R3HDM1: variants seen among roughly 807,000 people sequenced by gnomAD.
R3HDM1 encodes R3H domain containing 1, also known as R3H domain-containing protein 1.
Under a neutral mutation model 141.1 loss-of-function variants are expected in R3HDM1, and 46 were observed. That is an observed-to-expected ratio of 0.33 (90% CI 0.26 to 0.42). R3HDM1 has a LOEUF of 0.42. Among genes scored for constraint, R3HDM1 ranks in the 10% least tolerant of loss-of-function variants. The probability of loss-of-function intolerance (pLI) is 1.00; values close to 1 mark genes in which losing one functional copy is unlikely to be tolerated. For synonymous variants in R3HDM1, 435 were observed against 472.9 expected (o/e 0.92, Z 1.04); for missense variants, 1,184 against 1,368.3 (o/e 0.87, Z 2.12).
At chr2:135,715,042 A>C (rs1362790616) in intron 23 of R3HDM1, among the ~76,000 whole-genome samples, 1 of 152,228 alleles carries the variant, frequency 6.6e-6, no homozygotes, top group Non-Finnish European at 1.5e-5. Context: ...GGATGTATGA[A>C]TGCATGTGCA....
chr2:135,619,109 T>C (rs1282503476), intron 5 of R3HDM1, among the ~76,000 whole-genome samples: 1 of 152,190 alleles, frequency 6.6e-6, no homozygotes, highest in East Asian at 1.9e-4. Flanking sequence ...TGTAATGTTT[T>C]TGAAAATTCA....
At chr2:135,693,853 G>C (rs1000573156) in intron 21 of R3HDM1, among the ~76,000 whole-genome samples, 2 of 151,806 alleles carry the variant, frequency 1.3e-5, no homozygotes, top group Non-Finnish European at 2.9e-5. Flanking sequence ...TAAAAATACA[G>C]AATTAGCCGG....
At chr2:135,670,188 T>C (rs1257636821) in intron 19 of R3HDM1, 1 of 436,836 alleles carries the variant, frequency 2.3e-6, no homozygotes, top group Admixed American at 6.5e-5. Flanking sequence ...TGTGGTATCA[T>C]TGAAGCAAAG....
chr2:135,647,363 T>C (rs1188125097), intron 16 of R3HDM1, among the ~76,000 whole-genome samples: 1 of 152,244 alleles, frequency 6.6e-6, no homozygotes, highest in African/African-American at 2.4e-5. Context: ...AATTTTCATT[T>C]GGTTTCATTT....
chr2:135,620,695 A>G (rs1051526090), intron 5 of R3HDM1: 1 of 940,352 alleles, frequency 1.1e-6, no homozygotes, highest in Non-Finnish European at 1.3e-6. Context: ...TGTAGAATTT[A>G]TTATAGCTTT....
At chr2:135,531,872 C>G (rs980505676) in intron 1 of R3HDM1, 1 of 983,160 alleles carries the variant, frequency 1.0e-6, no homozygotes, top group African/African-American at 1.7e-5. Flanking sequence ...TCGCCTGGCC[C>G]GCGGCTGCGG....
Position 135,583,774 on chromosome 2 carries a change from T to A in R3HDM1, c.-249-18726T>A, listed in dbSNP as rs1055241609. 5 of 985,344 alleles carry A rather than the reference T, an allele frequency of 5.1e-6. No individual in the cohort carries two copies. The African/African-American group carries it at 7.0e-5, about 14-fold the overall frequency. 61.0% of individuals were successfully genotyped at this position (985,344 alleles called of 1,614,324 possible). ...TGTAAAGGTTGAGATCTTTAAAAAGTTCCGCAAGAGCTAAGCCACCAGAAA... is the reference window on the plus strand; with the variant it reads ...TGTAAAGGTTGAGATCTTTAAAAAGATCCGCAAGAGCTAAGCCACCAGAAA... On this transcript the variant is annotated intron_variant, in intron 1 of 26. Transcript: ENST00000683871.
At chr2:135,658,240 A>G (rs931311983) in intron 18 of R3HDM1, among the ~76,000 whole-genome samples, 13 of 152,128 alleles carry the variant, frequency 8.5e-5, no homozygotes, top group African/African-American at 3.1e-4. Context: ...ATCTCAGCTC[A>G]CCACAACTTC....
intron 9 of R3HDM1, 123 bp from the exon 10 acceptor site, chr2:135,635,767 A>G: frequency 1.7e-6 from 2 of 1,204,310 alleles, no homozygotes; most frequent in Non-Finnish European, 1.1e-6. Flanking sequence ...ATAAGCATCT[A>G]TGGATGGCAC....
intron 19 of R3HDM1, among the ~76,000 whole-genome samples, chr2:135,662,408 A>G (rs1330230245): frequency 6.6e-6 from 1 of 152,192 alleles, no homozygotes; most frequent in African/African-American, 2.4e-5. Flanking sequence ...AGTGATCATG[A>G]TTCACTAACT....
intron 19 of R3HDM1, among the ~76,000 whole-genome samples, chr2:135,671,366 A>T (rs1356496110): frequency 1.3e-5 from 2 of 151,728 alleles, no homozygotes; most frequent in African/African-American, 4.8e-5. Flanking sequence ...TTATTTTTTT[A>T]ATTTTAATTT....
intron 6 of R3HDM1, chr2:135,622,100 T>A (rs939191372): frequency 2.0e-6 from 2 of 981,572 alleles, no homozygotes; most frequent in Non-Finnish European, 2.4e-6. Flanking sequence ...ACCAGTATTA[T>A]AAATAGTATA....
chr2:135,536,760 A>G, intron 1 of R3HDM1: 1 of 967,736 alleles, frequency 1.0e-6, no homozygotes, highest in Non-Finnish European at 1.2e-6. Context: ...AACCCTTAGG[A>G]GCTGGGCCAC....
intron 1 of R3HDM1, among the ~76,000 whole-genome samples, chr2:135,559,805 T>C (rs1297295733): frequency 6.6e-6 from 1 of 152,274 alleles, no homozygotes; most frequent in Non-Finnish European, 1.5e-5. Flanking sequence ...TTTATGTTTT[T>C]GGAATGTGGA....
chr2:135,622,665 G>C lies in R3HDM1; in HGVS notation c.430G>C (p.Glu144Gln). ...RKMLSRDSSQ[E>Q]YTDSTGIDLH... ...TTGTTGTTTTTTAGATTCCAGTCAA[G>C]AATACACTGATTCAACTGGCATAGA... The change falls in exon 7 of 27, where the codon GAA becomes CAA. Residue 144 changes from glutamate to glutamine, a missense_variant. Coordinates refer to ENST00000683871, the MANE Select transcript of R3HDM1 (RefSeq NM_001378107.1). The C allele has an allele frequency of 6.2e-7, 1 of 1,600,128 alleles. No homozygotes were observed. Among genetic ancestry groups the C allele is most frequent in the Non-Finnish European group, 8.5e-7 (1 of 1,172,804 alleles).
At position 135,659,049 on chromosome 2, in the gene R3HDM1, C is replaced by CTGTGTGTGTGTGTGTGTG. The variant is rs548436817; in HGVS notation, c.2029-2199_2029-2182dup. 5.5e-4 allele frequency among the ~76,000 whole-genome samples: 69 copies of CTGTGTGTGTGTGTGTGTG among 126,492 alleles called. 1 individual carries two copies. The highest frequency in any genetic ancestry group is 3.7e-3 in the South Asian group (13 of 3,482). The allele number at this position is 126,492 out of a possible 152,430, so 83.0% of individuals were successfully genotyped here. ...TACCTCCTGAAAGACCTACCTGAGT[C>CTGTGTGTGTGTGTGTGTG]TGTGTGTGTGTGTGTGTGTGTGTGT... On this transcript the variant is annotated intron_variant, in intron 18 of 26. Coordinates refer to ENST00000683871, the MANE Select transcript of R3HDM1 (RefSeq NM_001378107.1).
At chr2:135,612,592 C>T (rs189266088) in intron 3 of R3HDM1, among the ~76,000 whole-genome samples, 1 of 152,040 alleles carries the variant, frequency 6.6e-6, no homozygotes, top group Non-Finnish European at 1.5e-5. Context: ...CCCATTTTTT[C>T]GCCTAGTTCC....
intron 21 of R3HDM1, among the ~76,000 whole-genome samples, chr2:135,703,417 A>G (rs923952495): frequency 5.9e-5 from 9 of 152,200 alleles, no homozygotes; most frequent in Admixed American, 2.0e-4. Context: ...TTAGAATACA[A>G]TTATGATATT....
chr2:135,652,103 C>T, intron 18 of R3HDM1, 71 bp downstream of exon 18: 2 of 1,483,610 alleles, frequency 1.3e-6, no homozygotes, highest in East Asian at 4.6e-5. Context: ...CTTCAAAGAA[C>T]TTATTTTTAA....
Sources: gnomAD v4.1 joint callset for allele counts (sites outside exome capture counted in the v4.1 genomes callset) on GRCh38, gnomAD v4.1.1 for gene constraint, MANE v1.5 for transcripts, NCBI Gene and HGNC (gene_info 2026-07-23, HGNC 2026-07-21) for gene names.